Variants in RDH10 observed in about 807,000 individuals in gnomAD.
RDH10 encodes the protein retinol dehydrogenase 10 (all-trans).
In RDH10, 12 loss-of-function variants were observed where a neutral mutation model predicts 30.2. The ratio of observed to expected loss-of-function variants is 0.40; its 90% CI spans 0.25 to 0.64. The LOEUF is 0.64. RDH10 is among the 30% of genes least tolerant of loss of function. The pLI is 0.43. For synonymous variants in RDH10, 189 were observed against 172.2 expected, an observed-to-expected ratio of 1.10 and a Z score of -0.76; for missense variants, 268 against 445.2, an observed-to-expected ratio of 0.60 and a Z score of 3.58.
At chr8:73,295,802 T>A in intron 1 of RDH10, 1 of 1,143,370 alleles carries the variant, frequency 8.7e-7, no homozygotes, top group Non-Finnish European at 1.1e-6. Context: ...AGGTTCGGTC[T>A]CTGGGGACCA....
chr8:73,296,967 C>T (rs774691490), intron 1 of RDH10: 23 of 500,630 alleles, frequency 4.6e-5, no homozygotes, highest in Non-Finnish European at 7.6e-5. Flanking sequence ...ACATGACTTT[C>T]CCCTAAGCAA....
rs112690392 is a variant in RDH10 at position 73,295,407 on chromosome 8, C to G, written c.118C>G (p.Leu40Val). ...KEKSVAGQVC[L>V]ITGAGSGLGR... The stretch of plus-strand genomic sequence containing the variant: ...GAAGAGCGTGGCGGGCCAGGTGTGC[C>G]TCATCACCGGCGCCGGCAGCGGCCT... The change falls in exon 1 of 6, where the codon CTC becomes GTC. Residue 40 changes from leucine (L) to valine (V), a missense_variant. Leu to Val is a conservative substitution (Grantham distance 32). This residue lies in a region of RDH10 where 42 missense variants were observed against 77.6 expected (regional missense o/e 0.54). Transcript: ENST00000240285. 6.5e-7 allele frequency: 1 copy of G among 1,549,464 alleles called. No individual in the cohort carries two copies. The highest frequency in any genetic ancestry group is 8.7e-7 in the Non-Finnish European group (1 of 1,148,660).
intron 2 of RDH10, among the ~76,000 whole-genome samples, chr8:73,304,843 A>G (rs1220248051): frequency 2.0e-5 from 3 of 152,342 alleles, no homozygotes; most frequent in South Asian, 4.1e-4. Flanking sequence ...TAATATCTTT[A>G]TATGTTAAGA....
At chr8:73,318,167 CTG>C (rs1316568529) in intron 2 of RDH10, among the ~76,000 whole-genome samples, 3 of 152,076 alleles carry the variant, frequency 2.0e-5, no homozygotes, top group East Asian at 3.8e-4. Flanking sequence ...GGTTATAAAA[CTG>C]TTGGGAGCCT....
chr8:73,306,287 C>A (rs1040197704), intron 2 of RDH10, among the ~76,000 whole-genome samples: 1 of 152,190 alleles, frequency 6.6e-6, no homozygotes, highest in Non-Finnish European at 1.5e-5. Flanking sequence ...GGAGTGGATG[C>A]GAGGGGACGC....
chr8:73,301,174 C>T (rs1814367847), intron 2 of RDH10, among the ~76,000 whole-genome samples: 2 of 149,806 alleles, frequency 1.3e-5, no homozygotes, highest in Admixed American at 1.3e-4. Flanking sequence ...CCTCAGCCTC[C>T]CGAGTAGCTG....
rs1196639650 is a variant in RDH10, at chr8:73,315,401, G to A, written c.526-3695G>A. 7 of 264,214 alleles carry A rather than the reference G, an allele frequency of 2.6e-5. No individual in the cohort carries two copies. The East Asian group carries it at 5.7e-4, about 22-fold the overall frequency. The allele number at this position is 264,214 out of a possible 1,614,324, so 16.4% of individuals were successfully genotyped here. A position where few individuals can be genotyped will look rare whatever the true frequency, so the allele number is the denominator to read the frequency against. On this transcript the variant is annotated intron_variant, in intron 2 of 5. Transcript: ENST00000240285. ...CACGTCACATTTTTTAGAATATGCA[G>A]CCATACTACCCTCCTTATGGACAAA...
intron 1 of RDH10, 46 bp from the exon 2 acceptor site, chr8:73,297,144 ACTTC>A (rs760423752): frequency 2.8e-6 from 3 of 1,078,010 alleles, no homozygotes; most frequent in Admixed American, 3.5e-5. Flanking sequence ...CACTTTCTGC[ACTTC>A]CTTCTCTTTT....
rs1563545164 is a variant in RDH10, at chr8:73,294,995, C to T, written c.-295C>T. The T allele has an allele frequency of 1.8e-5, 7 of 381,952 alleles. No individual in the cohort carries two copies. The highest frequency in any genetic ancestry group is 3.2e-5 in the Non-Finnish European group (7 of 215,542). 23.7% of individuals were successfully genotyped at this position (381,952 alleles called of 1,614,324 possible). A position where few individuals can be genotyped will look rare whatever the true frequency, so the allele number is the denominator to read the frequency against. ...TCACCGCCACTGCAGCGGAGCCGGCCGGCCGGGCGCTGCGGGACGGGCGGG... is the reference window on the plus strand; with the variant it reads ...TCACCGCCACTGCAGCGGAGCCGGCTGGCCGGGCGCTGCGGGACGGGCGGG... On this transcript the variant is annotated 5_prime_UTR_variant, in exon 1 of 6. Coordinates refer to ENST00000240285, the MANE Select transcript of RDH10 (RefSeq NM_172037.5).
Position 73,295,592 on chromosome 8 carries a change from G to T in RDH10, c.289+14G>T. ...CTGCGCTGCAAGGTAACCTGGACCC[G>T]CGCGGGAGCATTGTTGGGTCAAGCC... is the stretch of plus-strand genomic sequence containing the variant. On this transcript the variant is annotated intron_variant, in intron 1 of 5. Coordinates refer to ENST00000240285, the MANE Select transcript of RDH10 (RefSeq NM_172037.5). The T allele has an allele frequency of 6.7e-7, 1 of 1,481,948 alleles. No individual in the cohort carries two copies. Among genetic ancestry groups the T allele is most frequent in the Non-Finnish European group, 8.9e-7 (1 of 1,118,342 alleles). 91.8% of individuals were successfully genotyped at this position (1,481,948 alleles called of 1,614,324 possible).
chr8:73,294,973 C>G lies in RDH10; in HGVS notation c.-317C>G, dbSNP rs538847057. ...CGAGTAGTCTAACTCGCGGCTGTCACCGCCACTGCAGCGGAGCCGGCCGGC... is the reference window on the plus strand; with the variant it reads ...CGAGTAGTCTAACTCGCGGCTGTCAGCGCCACTGCAGCGGAGCCGGCCGGC... On this transcript the variant is annotated 5_prime_UTR_variant, in exon 1 of 6. Coordinates refer to ENST00000240285, the MANE Select transcript of RDH10 (RefSeq NM_172037.5). 2.6e-6 allele frequency: 1 copy of G among 390,254 alleles called. No homozygotes were observed. Among genetic ancestry groups the G allele is most frequent in the South Asian group, 1.3e-4 (1 of 7,806 alleles). The allele number at this position is 390,254 out of a possible 1,614,324, so 24.2% of individuals were successfully genotyped here. A position where few individuals can be genotyped will look rare whatever the true frequency, so the allele number is the denominator to read the frequency against.
chr8:73,316,147 G>C (rs1053017526), intron 2 of RDH10, among the ~76,000 whole-genome samples: 22 of 152,108 alleles, frequency 1.4e-4, no homozygotes, highest in African/African-American at 5.3e-4. Flanking sequence ...CTCCCAAGTA[G>C]TTGAGACTAC....
At chr8:73,300,355 TTCCAGTAG>T (rs750262302) in intron 2 of RDH10, 8 of 152,250 alleles carry the variant, frequency 5.3e-5, no homozygotes, top group Non-Finnish European at 8.8e-5. Context: ...TCAGCTTCCC[TTCCAGTAG>T]TCCTCTTATG....
At chr8:73,320,526 A>G (rs928840811) in intron 3 of RDH10, among the ~76,000 whole-genome samples, 16 of 147,934 alleles carry the variant, frequency 1.1e-4, no homozygotes, top group African/African-American at 4.0e-4. Context: ...GCTGGAGTGC[A>G]GTGGTGTGAT....
At chr8:73,318,085 GA>G (rs1814705085) in intron 2 of RDH10, among the ~76,000 whole-genome samples, 2 of 152,164 alleles carry the variant, frequency 1.3e-5, no homozygotes, top group Non-Finnish European at 2.9e-5. Context: ...TAAATCATGG[GA>G]AGCTGTGCTG....
intron 2 of RDH10, among the ~76,000 whole-genome samples, chr8:73,310,465 C>A (rs746282040): frequency 1.3e-5 from 2 of 152,188 alleles, no homozygotes; most frequent in African/African-American, 2.4e-5. Context: ...GCTGTTGGAA[C>A]AGGGGCTAAG....
intron 2 of RDH10, among the ~76,000 whole-genome samples, chr8:73,317,011 C>T (rs888102492): frequency 2.0e-5 from 3 of 152,148 alleles, no homozygotes; most frequent in African/African-American, 7.2e-5. Flanking sequence ...AGATCCAAAC[C>T]GTATCACTAG....
At chr8:73,320,313 A>G (rs1347375468) in intron 3 of RDH10, among the ~76,000 whole-genome samples, 1 of 152,190 alleles carries the variant, frequency 6.6e-6, no homozygotes, top group East Asian at 1.9e-4. Context: ...CTTTCATAGA[A>G]TCCTTTATGG....
At chr8:73,310,400 G>A (rs757771400) in intron 2 of RDH10, among the ~76,000 whole-genome samples, 1 of 151,012 alleles carries the variant, frequency 6.6e-6, no homozygotes, top group Non-Finnish European at 1.5e-5. Context: ...GGAAGAATTT[G>A]AACTATTTAC....
Sources: gnomAD v4.1 joint callset for allele counts (sites outside exome capture counted in the v4.1 genomes callset) on GRCh38, gnomAD v4.1.1 for gene constraint, gnomAD v4.1.1 regional missense constraint, MANE v1.5 for transcripts, NCBI Gene and HGNC (gene_info 2026-07-23, HGNC 2026-07-21) for gene names.